NKD1: variants seen among roughly 807,000 people sequenced by gnomAD.
NKD1 encodes protein naked cuticle homolog 1.
In NKD1, 21 loss-of-function variants were observed where a neutral mutation model predicts 56.0. That is an observed-to-expected ratio of 0.38 (90% confidence interval 0.27 to 0.54). NKD1 has a LOEUF of 0.54. Ranked by LOEUF, NKD1 falls within the 20% of genes least tolerant of loss-of-function variation. The pLI is 0.82. For missense variants in NKD1, 578 were observed against 642.7 expected (o/e 0.90, Z 1.09); for synonymous variants, 263 against 265.7 (o/e 0.99, Z 0.10).
chr16:50,567,023 T>G (rs1247539933), intron 3 of NKD1, among the ~76,000 whole-genome samples: 2 of 150,338 alleles, frequency 1.3e-5, no homozygotes, highest in Non-Finnish European at 3.0e-5. Flanking sequence ...CCTTTTTTTT[T>G]AAGACTTAAT....
Position 50,630,343 on chromosome 16 carries a change from G to T in NKD1, c.610+10G>T. ...CTTGTCAATCAGGCTGGTGAGGGCT[G>T]CAGGGCTGAGCCTGGGAAACAATGT... is the stretch of plus-strand genomic sequence containing the variant. On this transcript the variant is annotated intron_variant, in intron 7 of 9. Coordinates refer to ENST00000268459, the MANE Select transcript of NKD1 (RefSeq NM_033119.5). 1 of 1,613,550 alleles carries T rather than the reference G, an allele frequency of 6.2e-7. No individual in the cohort carries two copies. Among genetic ancestry groups the T allele is most frequent in the Non-Finnish European group, 8.5e-7 (1 of 1,179,660 alleles).
At chr16:50,556,206 G>C (rs1390356365) in intron 3 of NKD1, 2 of 152,424 alleles carry the variant, frequency 1.3e-5, no homozygotes, top group Non-Finnish European at 2.9e-5. Flanking sequence ...TCCTCCAGGG[G>C]CTGGAGGCAA....
chr16:50,624,403 C>T (rs1671552531), intron 5 of NKD1, among the ~76,000 whole-genome samples: 1 of 152,220 alleles, frequency 6.6e-6, no homozygotes, highest in African/African-American at 2.4e-5. Flanking sequence ...ATGATTGTTT[C>T]ATTGATTATT....
intron 3 of NKD1, among the ~76,000 whole-genome samples, chr16:50,565,469 A>C (rs1015651947): frequency 6.6e-6 from 1 of 152,176 alleles, no homozygotes; most frequent in African/African-American, 2.4e-5. Flanking sequence ...GCTTGAGCCC[A>C]GGAGTTTGAG....
chr16:50,560,629 G>GTT lies in NKD1; in HGVS notation c.192+11088_192+11089dup, dbSNP rs768360893. On this transcript the variant is annotated intron_variant, in intron 3 of 9. Transcript: ENST00000268459. ...AGCCATCTTAAATCAGTTTAGGCGA[G>GTT]TTTTTTTTTTTTTTTCAACTGTATG... Among the ~76,000 whole-genome samples, 60 of 137,702 alleles carry GTT rather than the reference G, an allele frequency of 4.4e-4. 1 individual carries two copies. Among genetic ancestry groups the GTT allele is most frequent in the African/African-American group, 1.5e-3 (58 of 37,494 alleles). The allele number at this position is 137,702 out of a possible 152,430, so 90.3% of individuals were successfully genotyped here.
In NKD1 at chr16:50,548,450, G is replaced by C. The variant is rs1473255375; in HGVS notation, c.-104G>C. 3.1e-6 allele frequency: 2 copies of C among 647,460 alleles called. No homozygotes were observed. Among genetic ancestry groups the C allele is most frequent in the Non-Finnish European group, 4.0e-6 (2 of 499,198 alleles). The allele number at this position is 647,460 out of a possible 1,614,324, so 40.1% of individuals were successfully genotyped here. ...GCGTCCCGGCGCCGCCTCGGGCTCC[G>C]CTCGGCTCGGGGGCTGCTTCGGGAG... On this transcript the variant is annotated 5_prime_UTR_variant, in exon 1 of 10. Coordinates refer to ENST00000268459, the MANE Select transcript of NKD1 (RefSeq NM_033119.5).
chr16:50,549,606 G>A lies in NKD1; in HGVS notation c.192+51G>A, dbSNP rs563841495. On this transcript the variant is annotated intron_variant, in intron 3 of 9. Coordinates refer to ENST00000268459, the MANE Select transcript of NKD1 (RefSeq NM_033119.5). ...CTCCTGGCCTCCTTTCAGCCTCAGA[G>A]ATGGGTCCCCAAACCCATGCACCCC... 2.7e-6 allele frequency: 4 copies of A among 1,500,642 alleles called. No homozygotes were observed. The African/African-American group carries it at 5.6e-5, about 21-fold the overall frequency. 93.0% of individuals were successfully genotyped at this position (1,500,642 alleles called of 1,614,324 possible).
intron 3 of NKD1, chr16:50,607,994 A>G: frequency 2.6e-6 from 1 of 382,056 alleles, no homozygotes; most frequent in South Asian, 2.9e-5. Flanking sequence ...GGTGTGTGCA[A>G]GGAATCAGGC....
chr16:50,603,309 G>C (rs557326582), intron 3 of NKD1, among the ~76,000 whole-genome samples: 1 of 152,224 alleles, frequency 6.6e-6, no homozygotes, highest in Non-Finnish European at 1.5e-5. Flanking sequence ...CCTGCCTCCC[G>C]AGAGGGGACA....
chr16:50,565,693 C>G (rs1421298096), intron 3 of NKD1, among the ~76,000 whole-genome samples: 1 of 152,190 alleles, frequency 6.6e-6, no homozygotes, highest in African/African-American at 2.4e-5. Context: ...TGTCTCTCAG[C>G]AACTACAATG....
intron 3 of NKD1, among the ~76,000 whole-genome samples, chr16:50,603,552 C>T (rs1375274771): frequency 3.3e-5 from 5 of 152,264 alleles, no homozygotes. Flanking sequence ...GTTCTGTGGG[C>T]ACCGGGAGTT....
In NKD1 at chr16:50,632,346, A is replaced by G. The variant is rs1230571478; in HGVS notation, c.761A>G (p.Glu254Gly). 1 of 1,614,042 alleles carries G rather than the reference A, an allele frequency of 6.2e-7. No individual in the cohort carries two copies. Among genetic ancestry groups the G allele is most frequent in the East Asian group, 2.2e-5 (1 of 44,896 alleles). Residue 254 changes from glutamate (E) to glycine (G), a missense_variant, in exon 9 of 10, where the codon GAG (glutamate) becomes GGG (glycine). Physicochemically the swap from Glu to Gly is moderately conservative, Grantham distance 98 (BLOSUM62 -2). Coordinates refer to ENST00000268459, the MANE Select transcript of NKD1 (RefSeq NM_033119.5). This position sits in a 1 kb window ranked among gnomAD's most constrained non-coding sequence, Gnocchi z 4.1. ...CACCATTGCGTAGATGAGAACATCG[A>G]GAGGAGAAACCACTACTTAGATCTC... is the stretch of plus-strand genomic sequence containing the variant. Reference protein sequence around the residue: ...CYHHCVDENIERRNHYLDLAG... With the variant: ...CYHHCVDENIGRRNHYLDLAG...
intron 3 of NKD1, chr16:50,607,472 G>A (rs1047604852): frequency 6.2e-6 from 1 of 162,352 alleles, no homozygotes; most frequent in African/African-American, 2.4e-5. Flanking sequence ...TTGTCATTTT[G>A]TGTTTTGAGA....
At chr16:50,629,922 G>A (rs1045959292) in intron 6 of NKD1, among the ~76,000 whole-genome samples, 4 of 152,160 alleles carry the variant, frequency 2.6e-5, no homozygotes, top group Admixed American at 1.3e-4. Context: ...GCCCCAGTGC[G>A]ACTGAGCCCC....
intron 3 of NKD1, among the ~76,000 whole-genome samples, chr16:50,564,927 G>A (rs753147958): frequency 1.1e-4 from 17 of 152,172 alleles, no homozygotes; most frequent in Non-Finnish European, 2.2e-4. Context: ...GGAGGTATCT[G>A]CTGTAGTGGG....
intron 4 of NKD1, among the ~76,000 whole-genome samples, chr16:50,614,896 G>T (rs1330310961): frequency 6.6e-6 from 1 of 152,324 alleles, no homozygotes. Flanking sequence ...GAAAGGGCCC[G>T]TGTAGGTGAG....
chr16:50,589,330 G>A (rs772587428), intron 3 of NKD1, among the ~76,000 whole-genome samples: 23 of 152,246 alleles, frequency 1.5e-4, no homozygotes, highest in Non-Finnish European at 2.6e-4. Flanking sequence ...GCAAGCACCA[G>A]TCGAGTTTCT....
rs745849567 is a variant in NKD1, at chr16:50,632,441, G to T, written c.823+33G>T. 6.2e-7 allele frequency: 1 copy of T among 1,613,428 alleles called. No homozygotes were observed. The highest frequency in any genetic ancestry group is 1.1e-5 in the South Asian group (1 of 91,024). ...ACTCAAGCACCCTGCAATGGGCGAT[G>T]AGGGCAGGGCGTGGCTGGACGGGCC... is the stretch of plus-strand genomic sequence containing the variant. On this transcript the variant is annotated intron_variant, in intron 9 of 9. Coordinates refer to ENST00000268459, the MANE Select transcript of NKD1 (RefSeq NM_033119.5). This position sits in a 1 kb window ranked among gnomAD's most constrained non-coding sequence, Gnocchi z 4.1.
intron 3 of NKD1, among the ~76,000 whole-genome samples, chr16:50,601,517 G>C (rs1291087867): frequency 6.6e-6 from 1 of 152,254 alleles, no homozygotes; most frequent in Non-Finnish European, 1.5e-5. Context: ...TTCTGGAGAA[G>C]GCTGGGCCTG....
Sources: allele counts gnomAD v4.1 joint callset (sites outside exome capture counted in the v4.1 genomes callset), GRCh38; gene constraint gnomAD v4.1.1; non-coding constraint Gnocchi (gnomAD v3.1); transcripts MANE v1.5; gene names NCBI Gene and HGNC (gene_info 2026-07-23, HGNC 2026-07-21).